The following XRN2 variants were observed in gnomAD, a reference collection of about 807,000 sequenced individuals.
The protein encoded by XRN2 is DHM1-like protein.
In XRN2, 44 loss-of-function variants were observed where a neutral mutation model predicts 138.5. The observed-to-expected ratio is 0.32, with a 90% CI of 0.25 to 0.41. XRN2 has a LOEUF of 0.41. Ranked by LOEUF, XRN2 falls within the 10% of genes least tolerant of loss-of-function variation. XRN2 has a pLI of 1.00. For synonymous variants in XRN2, 354 were observed against 369.4 expected (o/e 0.96, Z 0.48); for missense variants, 937 against 1,169.3 (o/e 0.80, Z 2.90).
intron 28 of XRN2, among the ~76,000 whole-genome samples, chr20:21,385,215 T>C (rs2038925195): frequency 6.6e-6 from 1 of 152,234 alleles, no homozygotes. Context: ...ATTTTATTAT[T>C]GTAAGACTCA....
intron 14 of XRN2, among the ~76,000 whole-genome samples, chr20:21,339,347 C>T (rs538425923): frequency 1.9e-4 from 29 of 152,298 alleles, no homozygotes; most frequent in Admixed American, 1.8e-3. Context: ...TTACAGCAAT[C>T]AAGTATTGTT....
rs972948622 is a variant in XRN2, at chr20:21,377,956, C to T, written c.2585-4038C>T. ...GCACCTCTCCGCTCTTTCCGTCCCT[C>T]GACAGACCGGCTGATCTCTTTGAAG... is the stretch of plus-strand genomic sequence containing the variant. On this transcript the variant is annotated intron_variant, in intron 27 of 29. Coordinates refer to ENST00000377191, the MANE Select transcript of XRN2 (RefSeq NM_012255.5). Among the ~76,000 whole-genome samples, 7 of 152,250 alleles carry T rather than the reference C, an allele frequency of 4.6e-5. No individual in the cohort carries two copies. The East Asian group carries it at 7.7e-4, about 17-fold the overall frequency.
chr20:21,350,234 A>C (rs1281232030), intron 20 of XRN2, among the ~76,000 whole-genome samples: 2 of 152,204 alleles, frequency 1.3e-5, no homozygotes, highest in Admixed American at 6.5e-5. Context: ...AATACAATAA[A>C]GAAATATCTT....
rs1181168455 is a variant in XRN2 at position 21,331,579 on chromosome 20, A to G, written c.595A>G (p.Ser199Gly). 4 of 1,612,110 alleles carry G rather than the reference A, an allele frequency of 2.5e-6. No homozygotes were observed. Among genetic ancestry groups the G allele is most frequent in the Non-Finnish European group, 3.4e-6 (4 of 1,179,640 alleles). ...TTTATAGGTTATTTTATCTGATGCT[A>G]GTGCTCCTGGTGAAGGAGAACATAA... ...KNLTVILSDA[S>G]APGEGEHKIM... The change falls in exon 7 of 30, where the codon AGT becomes GGT. Residue 199 changes from serine to glycine, a missense_variant. Transcript: ENST00000377191.
chr20:21,356,049 G>T (rs754960672), intron 21 of XRN2, 31 bp from the exon 22 acceptor site: 4 of 1,573,814 alleles, frequency 2.5e-6, no homozygotes, highest in Admixed American at 1.8e-5. Flanking sequence ...ATTTTTTTAT[G>T]TGTAGGTCTT....
chr20:21,333,500 G>A (rs755850568), intron 9 of XRN2, 44 bp from the exon 10 acceptor site: 3 of 1,587,618 alleles, frequency 1.9e-6, no homozygotes, highest in Non-Finnish European at 2.6e-6. Flanking sequence ...AAAAATTACT[G>A]GACGTAGAGT....
chr20:21,309,695 T>C (rs1459991709), intron 1 of XRN2, among the ~76,000 whole-genome samples: 1 of 152,172 alleles, frequency 6.6e-6, no homozygotes, highest in African/African-American at 2.4e-5. Flanking sequence ...AGTATTTTCT[T>C]ACTATCCTTT....
chr20:21,342,741 G>A (rs988221812), intron 15 of XRN2, among the ~76,000 whole-genome samples: 2 of 152,156 alleles, frequency 1.3e-5, no homozygotes, highest in African/African-American at 4.8e-5. Context: ...GCAATAACTT[G>A]TAAGGAAACA....
At chr20:21,329,783 C>T (rs141254904) in intron 4 of XRN2, among the ~76,000 whole-genome samples, 12 of 151,272 alleles carry the variant, frequency 7.9e-5, no homozygotes, top group African/African-American at 1.2e-4. Flanking sequence ...GTGATGAACT[C>T]GGCATTTTAA....
intron 1 of XRN2, 72 bp from the exon 2 acceptor site, chr20:21,326,207 C>A: frequency 6.9e-7 from 1 of 1,448,340 alleles, no homozygotes; most frequent in South Asian, 1.3e-5. Context: ...AACACAAGTT[C>A]ATATTGAGCC....
intron 15 of XRN2, among the ~76,000 whole-genome samples, chr20:21,341,118 C>G (rs1568580755): frequency 6.6e-6 from 1 of 152,142 alleles, no homozygotes; most frequent in Non-Finnish European, 1.5e-5. Flanking sequence ...GCGTGAGACC[C>G]TGTCTCAAAA....
intron 1 of XRN2, among the ~76,000 whole-genome samples, chr20:21,319,460 C>G (rs1319632416): frequency 2.6e-5 from 4 of 151,804 alleles, no homozygotes; most frequent in Admixed American, 2.0e-4. Flanking sequence ...CTCCTTTGTG[C>G]TTTCTTTTGC....
chr20:21,331,657 G>T, intron 7 of XRN2, 24 bp downstream of exon 7: 1 of 1,604,700 alleles, frequency 6.2e-7, no homozygotes, highest in South Asian at 1.1e-5. Flanking sequence ...ACCAATATTT[G>T]ATTATATGTT....
At chr20:21,363,595 G>A (rs868136913) in intron 24 of XRN2, among the ~76,000 whole-genome samples, 2 of 152,318 alleles carry the variant, frequency 1.3e-5, no homozygotes, top group Admixed American at 6.5e-5. Flanking sequence ...TGAGTAATAA[G>A]TATTGTTCAG....
chr20:21,350,706 G>T (rs2038498924), intron 20 of XRN2, among the ~76,000 whole-genome samples: 1 of 151,784 alleles, frequency 6.6e-6, no homozygotes. Flanking sequence ...TGTTCTCTGT[G>T]GTTGGAATGG....
intron 15 of XRN2, 122 bp downstream of exon 15, chr20:21,340,974 C>A: frequency 8.8e-7 from 1 of 1,131,320 alleles, no homozygotes; most frequent in Non-Finnish European, 1.3e-6. Flanking sequence ...TTCTTAATTG[C>A]TTTGCCTTGA....
chr20:21,334,031 T>C, intron 12 of XRN2, 37 bp downstream of exon 12: 4 of 1,613,956 alleles, frequency 2.5e-6, no homozygotes, highest in South Asian at 1.1e-5. Flanking sequence ...AACAGAAGTA[T>C]TTGCTTTTAT....
At chr20:21,321,160 G>T (rs535398461) in intron 1 of XRN2, among the ~76,000 whole-genome samples, 1 of 151,830 alleles carries the variant, frequency 6.6e-6, no homozygotes, top group Non-Finnish European at 1.5e-5. Flanking sequence ...GGGATTACAG[G>T]TATGCTATCA....
intron 26 of XRN2, among the ~76,000 whole-genome samples, chr20:21,366,143 TATAA>T (rs954693146): frequency 1.7e-5 from 1 of 58,610 alleles, no homozygotes; most frequent in Non-Finnish European, 2.8e-5. Context: ...ATATAACATA[TATAA>T]ATATATATTT....
Sources: allele counts gnomAD v4.1 joint callset (sites outside exome capture counted in the v4.1 genomes callset), GRCh38; gene constraint gnomAD v4.1.1; transcripts MANE v1.5; gene names NCBI Gene and HGNC (gene_info 2026-07-23, HGNC 2026-07-21).